The following SLC30A8 variants were observed in gnomAD, a reference collection of about 807,000 sequenced individuals.
SLC30A8 encodes proton-coupled zinc antiporter SLC30A8.
A neutral mutation model predicts 36.9 loss-of-function variants in SLC30A8; 27 were observed. The ratio of observed to expected loss-of-function variants is 0.73; its 90% CI spans 0.54 to 1.01. The LOEUF is 1.01. Ranked by LOEUF, SLC30A8 falls within the 50% of genes least tolerant of loss-of-function variation. The pLI, the probability that SLC30A8 is intolerant of heterozygous loss-of-function variation, is 0.00. For synonymous variants in SLC30A8, 164 were observed against 172.4 expected, an observed-to-expected ratio of 0.95 and a Z score of 0.38; for missense variants, 439 against 452.0, an observed-to-expected ratio of 0.97 and a Z score of 0.26.
intron 1 of SLC30A8, among the ~76,000 whole-genome samples, chr8:116,962,786 G>T (rs1158740641): frequency 6.6e-6 from 1 of 151,968 alleles, no homozygotes; most frequent in Non-Finnish European, 1.5e-5. Context: ...AAGAAAAACT[G>T]ATATACCCTT....
chr8:117,085,405 A>G (rs1032806924), intron 2 of SLC30A8, among the ~76,000 whole-genome samples: 1 of 152,140 alleles, frequency 6.6e-6, no homozygotes, highest in Non-Finnish European at 1.5e-5. Context: ...GAAATTACTC[A>G]TCCTCTAGCG....
chr8:117,011,781 G>T (rs1816351565), intron 1 of SLC30A8, among the ~76,000 whole-genome samples: 1 of 152,110 alleles, frequency 6.6e-6, no homozygotes, highest in Admixed American at 6.5e-5. Context: ...TCATCTAATG[G>T]CAAATAACTT....
At position 116,976,708 on chromosome 8, in the gene SLC30A8, C is replaced by T. The variant is rs563858048; in HGVS notation, c.-266+25589C>T. 2.2e-4 allele frequency among the ~76,000 whole-genome samples: 34 copies of T among 152,206 alleles called. No homozygotes were observed. The South Asian group carries it at 7.0e-3, about 32-fold the overall frequency. On this transcript the variant is annotated intron_variant, in intron 1 of 10. Coordinates refer to the SLC30A8 transcript ENST00000427715. The stretch of plus-strand genomic sequence containing the variant: ...GACATCACAATGTAGGTTACCTGTT[C>T]CTCTGCTGGGGTAGGGGGGTCTTAC...
intron 2 of SLC30A8, among the ~76,000 whole-genome samples, chr8:117,129,578 T>C (rs1215623487): frequency 6.6e-6 from 1 of 152,154 alleles, no homozygotes; most frequent in African/African-American, 2.4e-5. Flanking sequence ...ACAACTCTTA[T>C]TAAAAATTTC....
intron 2 of SLC30A8, chr8:117,128,655 TAA>T (rs2130917913): frequency 6.6e-6 from 1 of 152,194 alleles, no homozygotes; most frequent in Non-Finnish European, 1.5e-5. Context: ...AAAAAAATGT[TAA>T]AAGTTTTATT....
chr8:117,163,871 C>A, intron 6 of SLC30A8: 1 of 170,472 alleles, frequency 5.9e-6, no homozygotes. Context: ...TGCATTAGAG[C>A]TAAACATTTT....
chr8:117,054,812 C>T (rs898780542), intron 2 of SLC30A8, among the ~76,000 whole-genome samples: 5 of 152,148 alleles, frequency 3.3e-5, no homozygotes, highest in South Asian at 2.1e-4. Context: ...TTGACAAAAA[C>T]CATGAGCTAC....
intron 1 of SLC30A8, among the ~76,000 whole-genome samples, chr8:116,967,081 G>A (rs1464133531): frequency 1.3e-5 from 2 of 152,174 alleles, no homozygotes; most frequent in Non-Finnish European, 2.9e-5. Context: ...AAAGTGAAAT[G>A]TAAGGGTATG....
intron 7 of SLC30A8, among the ~76,000 whole-genome samples, 175 bp downstream of exon 7, chr8:117,171,343 C>T (rs1462519435): frequency 6.6e-6 from 1 of 151,932 alleles, no homozygotes; most frequent in Non-Finnish European, 1.5e-5. Flanking sequence ...GTTGTCATAG[C>T]AACAATGATA....
intron 2 of SLC30A8, among the ~76,000 whole-genome samples, chr8:117,117,342 T>A (rs1222465817): frequency 6.6e-6 from 1 of 152,020 alleles, no homozygotes; most frequent in Non-Finnish European, 1.5e-5. Context: ...ATACTCTAAA[T>A]ATGTGGATAA....
intron 2 of SLC30A8, among the ~76,000 whole-genome samples, chr8:117,102,695 A>G (rs1819779119): frequency 6.6e-6 from 1 of 151,952 alleles, no homozygotes. Context: ...GCATAATCCC[A>G]ATTTCTTCTT....
chr8:117,058,383 T>G (rs967325535), intron 2 of SLC30A8, among the ~76,000 whole-genome samples: 1 of 152,224 alleles, frequency 6.6e-6, no homozygotes, highest in Non-Finnish European at 1.5e-5. Context: ...CTTTCTGGTT[T>G]AATGTAGTCC....
chr8:116,964,877 A>G (rs1814546000), intron 1 of SLC30A8, among the ~76,000 whole-genome samples: 2 of 152,240 alleles, frequency 1.3e-5, no homozygotes, highest in African/African-American at 4.8e-5. Flanking sequence ...CTATGTGTTA[A>G]TGAATTTCAA....
At chr8:117,125,719 G>A (rs1820875115) in intron 2 of SLC30A8, among the ~76,000 whole-genome samples, 1 of 151,928 alleles carries the variant, frequency 6.6e-6, no homozygotes, top group Non-Finnish European at 1.5e-5. Flanking sequence ...AATTAGTTTT[G>A]CACCAATGAG....
At chr8:117,059,555 T>C (rs984508116) in intron 2 of SLC30A8, among the ~76,000 whole-genome samples, 3 of 152,210 alleles carry the variant, frequency 2.0e-5, no homozygotes, top group Non-Finnish European at 4.4e-5. Context: ...CATCTTGACC[T>C]TCCTACACCC....
intron 1 of SLC30A8, among the ~76,000 whole-genome samples, chr8:116,995,676 G>A (rs1290772839): frequency 6.6e-6 from 1 of 152,018 alleles, no homozygotes; most frequent in Non-Finnish European, 1.5e-5. Context: ...CACTGTGCAG[G>A]GTTTTGTATC....
At chr8:117,140,657 A>T (rs1821611856) in intron 1 of SLC30A8, among the ~76,000 whole-genome samples, 1 of 152,098 alleles carries the variant, frequency 6.6e-6, no homozygotes, top group African/African-American at 2.4e-5. Flanking sequence ...TACCTAAACT[A>T]TATTCCTAAA....
chr8:117,003,153 C>T (rs1816069204), intron 1 of SLC30A8, among the ~76,000 whole-genome samples: 1 of 152,166 alleles, frequency 6.6e-6, no homozygotes, highest in Non-Finnish European at 1.5e-5. Flanking sequence ...AATTCAAGGT[C>T]CACATTGCCT....
intron 1 of SLC30A8, among the ~76,000 whole-genome samples, chr8:117,009,124 A>G (rs1816266711): frequency 6.6e-6 from 1 of 152,188 alleles, no homozygotes; most frequent in Non-Finnish European, 1.5e-5. Flanking sequence ...CTGCTTAGAA[A>G]GTTGCTGATA....
Sources: allele counts gnomAD v4.1 joint callset (sites outside exome capture counted in the v4.1 genomes callset), GRCh38; gene constraint gnomAD v4.1.1; transcripts MANE v1.5; gene names NCBI Gene and HGNC (gene_info 2026-07-23, HGNC 2026-07-21).